The following STPG2 variants were observed in gnomAD, a reference collection of about 807,000 sequenced individuals.
STPG2 encodes sperm tail PG-rich repeat containing 2, also known as sperm-tail PG-rich repeat-containing protein 2.
A neutral mutation model predicts 54.2 loss-of-function variants in STPG2; 56 were observed. The ratio of observed to expected loss-of-function variants is 1.03; its 90% CI spans 0.83 to 1.29. The LOEUF is 1.29. Among genes scored for constraint, STPG2 ranks in the 50% most tolerant of loss-of-function variants. STPG2 has a pLI of 0.00. For missense variants in STPG2, 596 were observed against 544.9 expected (o/e 1.09, Z -0.93); for synonymous variants, 200 against 181.8 (o/e 1.10, Z -0.81).
intron 10 of STPG2, among the ~76,000 whole-genome samples, chr4:97,570,921 A>T (rs1353220866): frequency 6.6e-6 from 1 of 152,060 alleles, no homozygotes; most frequent in Non-Finnish European, 1.5e-5. Flanking sequence ...TGTGTTAATC[A>T]GTCTTTCGTT....
chr4:97,477,481 T>G (rs572480163), intron 4 of STPG2, among the ~76,000 whole-genome samples: 18 of 147,318 alleles, frequency 1.2e-4, no homozygotes, highest in Admixed American at 2.7e-4. Flanking sequence ...TTTTTGTTTT[T>G]TTTTTTTTTT....
chr4:97,443,482 C>T (rs1250432018), intron 4 of STPG2, among the ~76,000 whole-genome samples: 1 of 151,962 alleles, frequency 6.6e-6, no homozygotes, highest in Admixed American at 6.6e-5. Context: ...ATATAGGCAG[C>T]AAAACGGGGT....
At chr4:98,005,081 G>A (rs539323905) in intron 5 of STPG2, among the ~76,000 whole-genome samples, 1 of 152,076 alleles carries the variant, frequency 6.6e-6, no homozygotes, top group Non-Finnish European at 1.5e-5. Context: ...CCAGACCAAG[G>A]TCAATAACCT....
chr4:98,118,130 C>G (rs1739574574), intron 3 of STPG2, among the ~76,000 whole-genome samples: 1 of 152,128 alleles, frequency 6.6e-6, no homozygotes, highest in Non-Finnish European at 1.5e-5. Flanking sequence ...ACTGAAATCT[C>G]AGCCTAATTA....
chr4:97,583,198 A>C (rs1051358838), intron 10 of STPG2, among the ~76,000 whole-genome samples: 63 of 151,956 alleles, frequency 4.1e-4, no homozygotes, highest in African/African-American at 1.4e-3. Flanking sequence ...CCAGAACACT[A>C]ATTTTCACAA....
intron 4 of STPG2, among the ~76,000 whole-genome samples, chr4:97,470,765 AATGAG>A (rs926005502): frequency 6.3e-4 from 96 of 152,262 alleles, no homozygotes; most frequent in Middle Eastern, 3.4e-3. Flanking sequence ...GATAAAATGC[AATGAG>A]ATGAGATGAG....
intron 5 of STPG2, 129 bp from the exon 6 acceptor site, chr4:97,981,447 G>A (rs572143024): frequency 1.1e-6 from 1 of 915,226 alleles, no homozygotes; most frequent in South Asian, 1.8e-5. Flanking sequence ...TGAAGAAAAT[G>A]TAGATGAACT....
rs946749487 is a variant in STPG2 at position 98,143,309 on chromosome 4, G to A, written c.-159C>T. The A allele has an allele frequency of 8.4e-6, 5 of 594,286 alleles. No individual in the cohort carries two copies. The highest frequency in any genetic ancestry group is 3.0e-5 in the Admixed American group (1 of 33,404). The allele number at this position is 594,286 out of a possible 1,614,324, so 36.8% of individuals were successfully genotyped here. On this transcript the variant is annotated 5_prime_UTR_variant, in exon 1 of 11. Coordinates refer to ENST00000295268, the MANE Select transcript of STPG2 (RefSeq NM_174952.3). ...AAATTAGGGGTGGGGTTGTCTCCCC[G>A]CCCGCTCATTGATACCAGATTTCCT...
At chr4:98,122,922 G>A (rs995076561) in intron 3 of STPG2, among the ~76,000 whole-genome samples, 2 of 152,086 alleles carry the variant, frequency 1.3e-5, no homozygotes, top group Non-Finnish European at 2.9e-5. Context: ...GTTCAGTCTT[G>A]GGAGGGTGTA....
chr4:97,526,140 T>A (rs1731275944), intron 4 of STPG2, among the ~76,000 whole-genome samples: 1 of 152,056 alleles, frequency 6.6e-6, no homozygotes, highest in Non-Finnish European at 1.5e-5. Flanking sequence ...TGTAGATTAT[T>A]AATTTGCAGG....
intron 4 of STPG2, chr4:97,441,417 A>G (rs1356236276): frequency 1.3e-5 from 2 of 152,000 alleles, no homozygotes; most frequent in African/African-American, 4.8e-5. Flanking sequence ...TAGATGTTAG[A>G]AGAGCAATTA....
intron 4 of STPG2, among the ~76,000 whole-genome samples, chr4:97,541,059 C>G (rs1391491945): frequency 6.6e-6 from 1 of 152,090 alleles, no homozygotes; most frequent in Non-Finnish European, 1.5e-5. Context: ...AAAAATGGCA[C>G]AAGACAGGGA....
chr4:97,936,117 C>A (rs1419992860), intron 8 of STPG2, among the ~76,000 whole-genome samples: 2 of 152,154 alleles, frequency 1.3e-5, no homozygotes, highest in Non-Finnish European at 2.9e-5. Flanking sequence ...AAATTCATCC[C>A]TTTACCGTTA....
At chr4:97,654,953 A>G (rs1434601856) in intron 10 of STPG2, among the ~76,000 whole-genome samples, 1 of 152,124 alleles carries the variant, frequency 6.6e-6, no homozygotes, top group African/African-American at 2.4e-5. Context: ...CAAACAGCAT[A>G]TTCAGTATGA....
intron 6 of STPG2, among the ~76,000 whole-genome samples, chr4:97,974,450 G>A (rs1017941610): frequency 2.0e-5 from 3 of 152,176 alleles, no homozygotes; most frequent in African/African-American, 7.2e-5. Context: ...GAAATGTGAG[G>A]ACGTGAGATT....
At chr4:97,993,308 G>T (rs1735081028) in intron 5 of STPG2, among the ~76,000 whole-genome samples, 1 of 152,062 alleles carries the variant, frequency 6.6e-6, no homozygotes, top group Non-Finnish European at 1.5e-5. Flanking sequence ...GCTGGATTTT[G>T]TCAAATGCTT....
At chr4:97,879,938 C>A (rs1344563273) in intron 8 of STPG2, among the ~76,000 whole-genome samples, 1 of 152,072 alleles carries the variant, frequency 6.6e-6, no homozygotes, top group Non-Finnish European at 1.5e-5. Flanking sequence ...TCCAGCAATC[C>A]CATTTCTGAG....
intron 8 of STPG2, among the ~76,000 whole-genome samples, chr4:97,867,783 G>T (rs539461121): frequency 4.6e-5 from 7 of 152,052 alleles, no homozygotes; most frequent in Admixed American, 3.3e-4. Flanking sequence ...ATTGCCTTAT[G>T]ATAGCAAAAT....
chr4:97,944,934 T>C (rs759229518), intron 7 of STPG2, among the ~76,000 whole-genome samples: 3 of 152,166 alleles, frequency 2.0e-5, no homozygotes, highest in Non-Finnish European at 2.9e-5. Flanking sequence ...CTTTCAAAAA[T>C]AGAACAATCA....
Sources: allele counts gnomAD v4.1 joint callset (sites outside exome capture counted in the v4.1 genomes callset), GRCh38; gene constraint gnomAD v4.1.1; transcripts MANE v1.5; gene names NCBI Gene and HGNC (gene_info 2026-07-23, HGNC 2026-07-21).